DLGAP2: variants seen among roughly 807,000 people sequenced by gnomAD.
DLGAP2 encodes the protein disks large-associated protein 2.
DLGAP2 carries 26 observed loss-of-function variants against 100.3 expected under a neutral mutation model. The ratio of observed to expected loss-of-function variants is 0.26; its 90% CI spans 0.19 to 0.36. The LOEUF is 0.36. Among genes scored for constraint, DLGAP2 ranks in the 10% least tolerant of loss-of-function variants. The pLI is 1.00. For synonymous variants in DLGAP2, 886 were observed against 630.1 expected, an observed-to-expected ratio of 1.41 and a Z score of -6.08; for missense variants, 1,858 against 1,453.2, an observed-to-expected ratio of 1.28 and a Z score of -4.53.
intron 1 of DLGAP2, among the ~76,000 whole-genome samples, chr8:872,883 C>T (rs929901648): frequency 6.6e-6 from 1 of 152,162 alleles, no homozygotes; most frequent in African/African-American, 2.4e-5. Flanking sequence ...GGGCAGGTGC[C>T]AGGACCCCCA....
chr8:1,598,026 GA>G (rs1173862574), intron 6 of DLGAP2, among the ~76,000 whole-genome samples: 5 of 150,648 alleles, frequency 3.3e-5, no homozygotes, highest in Non-Finnish European at 7.5e-5. Context: ...AGCTCTTATT[GA>G]GATACTTCAC....
intron 2 of DLGAP2, among the ~76,000 whole-genome samples, chr8:1,218,770 G>C (rs1220601697): frequency 6.6e-6 from 1 of 152,076 alleles, no homozygotes; most frequent in Non-Finnish European, 1.5e-5. Flanking sequence ...AGCTTGGAAT[G>C]TTTTTCCATT....
chr8:1,661,975 G>A (rs147718658), intron 8 of DLGAP2, among the ~76,000 whole-genome samples: 2 of 152,280 alleles, frequency 1.3e-5, no homozygotes, highest in East Asian at 3.9e-4. Flanking sequence ...GAAGAACACG[G>A]TCACGCTCCT....
chr8:1,258,477 C>A (rs932764677), intron 2 of DLGAP2, among the ~76,000 whole-genome samples: 2 of 152,042 alleles, frequency 1.3e-5, no homozygotes, highest in Non-Finnish European at 2.9e-5. Flanking sequence ...GAACAAATAC[C>A]TATTGCATGC....
chr8:1,091,040 A>C (rs2129041505), intron 2 of DLGAP2, among the ~76,000 whole-genome samples: 1 of 152,180 alleles, frequency 6.6e-6, no homozygotes. Flanking sequence ...GTCAGTCTTC[A>C]CTCTGGGTCT....
chr8:1,188,872 C>A (rs1187918359), intron 2 of DLGAP2, among the ~76,000 whole-genome samples: 1 of 152,248 alleles, frequency 6.6e-6, no homozygotes, highest in Non-Finnish European at 1.5e-5. Context: ...GTTAAAAAAG[C>A]ACCTCCAAAT....
chr8:1,634,785 G>T (rs1273677443), intron 8 of DLGAP2, among the ~76,000 whole-genome samples: 2 of 152,270 alleles, frequency 1.3e-5, no homozygotes, highest in East Asian at 1.9e-4. Flanking sequence ...TGTCATTATA[G>T]AGAGAATAAA....
At chr8:1,610,955 G>C (rs1193853392) in intron 6 of DLGAP2, among the ~76,000 whole-genome samples, 12 of 104,310 alleles carry the variant, frequency 1.2e-4, no homozygotes, top group Admixed American at 1.1e-3. Flanking sequence ...AATTCTACCA[G>C]AGGTACAAGG....
At chr8:1,281,683 C>A (rs1007908148) in intron 3 of DLGAP2, among the ~76,000 whole-genome samples, 2 of 152,148 alleles carry the variant, frequency 1.3e-5, no homozygotes, top group African/African-American at 4.8e-5. Context: ...AAATTCAGCT[C>A]CCCACACTCC....
At chr8:774,650 G>C (rs1040275831) in intron 1 of DLGAP2, among the ~76,000 whole-genome samples, 4 of 151,670 alleles carry the variant, frequency 2.6e-5, no homozygotes, top group Non-Finnish European at 5.9e-5. Flanking sequence ...TCAAAGATCA[G>C]ATAGTTGTAG....
At chr8:1,681,084 A>ATGTT (rs1226703568) in intron 12 of DLGAP2, among the ~76,000 whole-genome samples, 1 of 152,164 alleles carries the variant, frequency 6.6e-6, no homozygotes, top group African/African-American at 2.4e-5. Flanking sequence ...CAAAGAGGTC[A>ATGTT]TGTTTGTTTG....
chr8:1,378,405 C>G (rs1796012034), intron 3 of DLGAP2, among the ~76,000 whole-genome samples: 1 of 151,738 alleles, frequency 6.6e-6, no homozygotes, highest in Admixed American at 6.6e-5. Flanking sequence ...ACACACCTGA[C>G]TTCGCCTGTC....
intron 3 of DLGAP2, among the ~76,000 whole-genome samples, chr8:1,318,932 G>A (rs1018363486): frequency 7.9e-5 from 12 of 152,028 alleles, no homozygotes; most frequent in Admixed American, 5.2e-4. Context: ...AACTCAAAAC[G>A]CTCAGCATGG....
intron 1 of DLGAP2, among the ~76,000 whole-genome samples, chr8:868,228 G>C (rs976165027): frequency 6.6e-6 from 1 of 152,168 alleles, no homozygotes; most frequent in East Asian, 1.9e-4. Context: ...ATTTTTGTCT[G>C]TCCTGTGGGG....
chr8:738,258 TC>T (rs1248922334), intron 1 of DLGAP2, among the ~76,000 whole-genome samples: 1 of 149,486 alleles, frequency 6.7e-6, no homozygotes, highest in Non-Finnish European at 1.5e-5. Context: ...TGCATCCCCC[TC>T]CCCCCAAGCC....
chr8:1,324,623 T>C (rs1800979467), intron 3 of DLGAP2, among the ~76,000 whole-genome samples: 1 of 152,210 alleles, frequency 6.6e-6, no homozygotes. Flanking sequence ...TAAGGACAAG[T>C]GTTATCCTCT....
chr8:1,093,404 C>T (rs747581419), intron 2 of DLGAP2, among the ~76,000 whole-genome samples: 10 of 151,794 alleles, frequency 6.6e-5, no homozygotes, highest in Non-Finnish European at 1.3e-4. Flanking sequence ...AACACCTTCA[C>T]ACTGACAGCC....
chr8:1,591,547 C>T (rs1183218515), intron 6 of DLGAP2, among the ~76,000 whole-genome samples: 2 of 149,540 alleles, frequency 1.3e-5, no homozygotes, highest in Non-Finnish European at 3.0e-5. Flanking sequence ...TCCCACTCCA[C>T]CTCCACTGTT....
Position 1,248,547 on chromosome 8 carries a change from GTGAGTCTGATAGTCCACGTCGGTGGCTC to G in DLGAP2, c.74-10303_74-10276del. On this transcript the variant is annotated intron_variant, in intron 2 of 14. Transcript: ENST00000637795. The stretch of plus-strand genomic sequence containing the variant: ...CCGGGAAGACCTTTGAGATCAGTGT[GTGAGTCTGATAGTCCACGTCGGTGGCTC>G]GGAAGACCTTTGAGATCAGTGTAGG... 2.1e-5 allele frequency: 3 copies of G among 142,872 alleles called. 1 individual carries two copies. Among genetic ancestry groups the G allele is most frequent in the Non-Finnish European group, 4.6e-5 (3 of 65,012 alleles). 8.9% of individuals were successfully genotyped at this position (142,872 alleles called of 1,614,324 possible). A position where few individuals can be genotyped will look rare whatever the true frequency, so the allele number is the denominator to read the frequency against.
Sources: gnomAD v4.1 joint callset for allele counts (sites outside exome capture counted in the v4.1 genomes callset) on GRCh38, gnomAD v4.1.1 for gene constraint, MANE v1.5 for transcripts, NCBI Gene and HGNC (gene_info 2026-07-23, HGNC 2026-07-21) for gene names.